REDIC1: variants seen among roughly 807,000 people sequenced by gnomAD.
REDIC1 encodes the protein regulator of DNA class I crossover intermediates 1.
chr12:39,857,117 C>G, the REDIC1 span, among the ~76,000 whole-genome samples: 2 of 152,178 alleles, frequency 1.3e-5, no homozygotes, highest in African/African-American at 2.4e-5. Flanking sequence ...CATGGATTAT[C>G]AGAGATACAT....
chr12:39,635,030 A>G, the REDIC1 span, among the ~76,000 whole-genome samples: 15 of 152,208 alleles, frequency 9.9e-5, no homozygotes, highest in African/African-American at 3.6e-4. Flanking sequence ...GACACAACAG[A>G]CATATGCAAA....
At chr12:39,638,601 A>C in the REDIC1 span, among the ~76,000 whole-genome samples, 1 of 151,998 alleles carries the variant, frequency 6.6e-6, no homozygotes, top group Non-Finnish European at 1.5e-5. Context: ...CTTCTTCTTT[A>C]GTGCAAATAA....
the REDIC1 span, among the ~76,000 whole-genome samples, chr12:39,687,322 G>C: frequency 3.3e-5 from 5 of 152,158 alleles, no homozygotes; most frequent in African/African-American, 1.2e-4. Flanking sequence ...AATTTATAAA[G>C]AAAATAGATT....
At chr12:39,875,262 C>T in the REDIC1 span, among the ~76,000 whole-genome samples, 1 of 152,162 alleles carries the variant, frequency 6.6e-6, no homozygotes, top group African/African-American at 2.4e-5. Flanking sequence ...TCTTTTGCAG[C>T]TTTTAGAGGT....
At chr12:39,839,189 G>A in the REDIC1 span, among the ~76,000 whole-genome samples, 4 of 152,080 alleles carry the variant, frequency 2.6e-5, no homozygotes, top group Middle Eastern at 3.4e-3. Flanking sequence ...AGAGAACACC[G>A]CCACTACCAG....
chr12:39,718,006 A>G, the REDIC1 span, among the ~76,000 whole-genome samples: 1 of 151,132 alleles, frequency 6.6e-6, no homozygotes, highest in Non-Finnish European at 1.5e-5. Context: ...CTCTTTCATG[A>G]TTTTCTTGAT....
chr12:39,629,014 A>G, the REDIC1 span, among the ~76,000 whole-genome samples: 1 of 152,180 alleles, frequency 6.6e-6, no homozygotes, highest in East Asian at 1.9e-4. Context: ...TGCCACAAAT[A>G]AAGTAAATAA....
chr12:39,684,590 G>C, the REDIC1 span, among the ~76,000 whole-genome samples: 2 of 152,118 alleles, frequency 1.3e-5, no homozygotes, highest in Admixed American at 6.5e-5. Flanking sequence ...GTTAGGCCTT[G>C]AGTTTTAAAT....
the REDIC1 span, among the ~76,000 whole-genome samples, chr12:39,875,470 T>C: frequency 6.6e-6 from 1 of 152,220 alleles, no homozygotes; most frequent in East Asian, 1.9e-4. Flanking sequence ...TGCACCTTAA[T>C]TTCCTTTTGC....
the REDIC1 span, among the ~76,000 whole-genome samples, chr12:39,850,853 T>TA: frequency 6.6e-6 from 1 of 152,056 alleles, no homozygotes; most frequent in Non-Finnish European, 1.5e-5. Flanking sequence ...TTTACAATGA[T>TA]AAAAATGAAA....
chr12:39,704,213 C>A, the REDIC1 span, among the ~76,000 whole-genome samples: 2 of 151,356 alleles, frequency 1.3e-5, no homozygotes, highest in South Asian at 4.2e-4. Context: ...CAATGAACTC[C>A]AACAAATTTA....
the REDIC1 span, among the ~76,000 whole-genome samples, chr12:39,893,125 A>C: frequency 6.6e-6 from 1 of 152,282 alleles, no homozygotes; most frequent in African/African-American, 2.4e-5. Context: ...AAATGAAAAA[A>C]CCCAATGAGA....
chr12:39,889,753 ATT>A, the REDIC1 span, among the ~76,000 whole-genome samples: 1 of 151,838 alleles, frequency 6.6e-6, no homozygotes, highest in African/African-American at 2.4e-5. Flanking sequence ...GATGGTCTTG[ATT>A]TCTTGACCTC....
chr12:39,713,480 A>T, the REDIC1 span, among the ~76,000 whole-genome samples: 1 of 149,982 alleles, frequency 6.7e-6, no homozygotes, highest in Non-Finnish European at 1.5e-5. Flanking sequence ...ACATGTATAC[A>T]TTTATACATT....
chr12:39,764,883 T>TTAAC, the REDIC1 span: 5 of 1,604,788 alleles, frequency 3.1e-6, no homozygotes, highest in East Asian at 1.1e-4. Context: ...AATATAAGTA[T>TTAAC]TAACTTAATG....
the REDIC1 span, among the ~76,000 whole-genome samples, chr12:39,712,982 CATGTGTATATACGTGTATATG>C: frequency 2.1e-4 from 1 of 4,836 alleles, no homozygotes; most frequent in South Asian, 8.2e-3. Flanking sequence ...TGTATATATA[CATGTGTATATACGTGTATATG>C]TATATATACA....
chr12:39,652,667 G>C, the REDIC1 span, among the ~76,000 whole-genome samples: 1 of 152,056 alleles, frequency 6.6e-6, no homozygotes, highest in Non-Finnish European at 1.5e-5. Flanking sequence ...CTTAACCCAA[G>C]GTCATGAAGA....
the REDIC1 span, among the ~76,000 whole-genome samples, chr12:39,794,293 T>C: frequency 0.014 from 2,181 of 152,256 alleles, 51 homozygotes; most frequent in African/African-American, 0.049. Context: ...ACATTTTCTG[T>C]TGCATTTTGA....
At chr12:39,713,484 A>G in the REDIC1 span, among the ~76,000 whole-genome samples, 5 of 149,822 alleles carry the variant, frequency 3.3e-5, no homozygotes, top group Non-Finnish European at 7.5e-5. Context: ...GTATACATTT[A>G]TACATTTGTA....
Sources: gnomAD v4.1 joint callset for allele counts (sites outside exome capture counted in the v4.1 genomes callset) on GRCh38, gnomAD v4.1.1 for gene constraint, MANE v1.5 for transcripts, NCBI Gene and HGNC (gene_info 2026-07-23, HGNC 2026-07-21) for gene names.